Variants in FXR1 observed in about 807,000 individuals in gnomAD.
The protein encoded by FXR1 is FMR1 autosomal homolog 1, also known as RNA-binding protein FXR1.
FXR1 carries 15 observed loss-of-function variants against 84.0 expected under a neutral mutation model. The ratio of observed to expected loss-of-function variants is 0.18; its 90% confidence interval spans 0.12 to 0.27. FXR1 has a LOEUF of 0.27. Ranked by LOEUF, FXR1 falls within the 10% of genes least tolerant of loss-of-function variation. FXR1 has a pLI of 1.00. For missense variants in FXR1, 480 were observed against 774.4 expected, an observed-to-expected ratio of 0.62 and a Z score of 4.51; for synonymous variants, 245 against 250.7, an observed-to-expected ratio of 0.98 and a Z score of 0.21.
At chr3:180,918,072 A>G (rs1718123328) in intron 1 of FXR1, among the ~76,000 whole-genome samples, 2 of 152,014 alleles carry the variant, frequency 1.3e-5, no homozygotes, top group African/African-American at 2.4e-5. Context: ...CATCTTACCT[A>G]TCTAGAGAGA....
rs528063049 is a variant in FXR1, at chr3:180,933,410, G to A, written c.104+24G>A. On this transcript the variant is annotated intron_variant, in intron 2 of 16. Coordinates refer to ENST00000357559, the MANE Select transcript of FXR1 (RefSeq NM_005087.4). ...AAGTAAGTTATTTTTGTTGACAAAGGCCTTAATTTTAGAGATGGCAGTGCC... is the reference window on the plus strand; with the variant it reads ...AAGTAAGTTATTTTTGTTGACAAAGACCTTAATTTTAGAGATGGCAGTGCC... 19 of 1,423,340 alleles carry A rather than the reference G, an allele frequency of 1.3e-5. No individual in the cohort carries two copies. The South Asian group carries it at 2.0e-4, about 15-fold the overall frequency. 88.2% of individuals were successfully genotyped at this position (1,423,340 alleles called of 1,614,324 possible).
intron 3 of FXR1, among the ~76,000 whole-genome samples, chr3:180,943,267 T>C (rs1721330880): frequency 5.1e-5 from 1 of 19,440 alleles, no homozygotes; most frequent in Admixed American, 6.7e-4. Flanking sequence ...GTGCCCGGCT[T>C]TTTTTTTTTT....
chr3:180,951,168 A>G (rs1277031335), intron 7 of FXR1, 130 bp from the exon 8 acceptor site: 1 of 596,064 alleles, frequency 1.7e-6, no homozygotes, highest in Non-Finnish European at 3.0e-6. Context: ...GTTGGCAGTG[A>G]GCCATGATCA....
At chr3:180,927,549 G>A (rs1479252382) in intron 1 of FXR1, 1 of 560,674 alleles carries the variant, frequency 1.8e-6, no homozygotes, top group African/African-American at 2.0e-5. Flanking sequence ...AACGGCTCCT[G>A]TCAAGTTGAG....
At position 180,963,082 on chromosome 3, in the gene FXR1, C is replaced by T. The variant is rs771488478; in HGVS notation, c.1190C>T (p.Ser397Phe). The T allele has an allele frequency of 1.3e-6, 2 of 1,486,612 alleles. No individual in the cohort carries two copies. Among genetic ancestry groups the T allele is most frequent in the East Asian group, 4.5e-5 (2 of 44,086 alleles). 92.1% of individuals were successfully genotyped at this position (1,486,612 alleles called of 1,614,324 possible). The change falls in exon 13 of 17, where the codon TCC (serine) becomes TTC (phenylalanine). Residue 397 changes from serine to phenylalanine, a missense_variant. This residue lies in a region of FXR1 where 157 missense variants were observed against 227.8 expected (regional missense o/e 0.69). Transcript: ENST00000357559. ...GGTCGTCGGGGACCTAATTACACCT[C>T]CGGTTATGGTAAAAAAAAATTTTTT... ...GRGRRGPNYT[S>F]GYGTNSELSN... is the part of the protein sequence containing the mutation.
chr3:180,919,271 AT>A (rs1418179424), intron 1 of FXR1, among the ~76,000 whole-genome samples: 169 of 139,040 alleles, frequency 1.2e-3, no homozygotes, highest in South Asian at 1.6e-3. Context: ...CCTAAATTTT[AT>A]TTTTTTTTTA....
At position 180,970,164 on chromosome 3, in the gene FXR1, A is replaced by G. The variant is rs138120810; in HGVS notation, c.1409A>G (p.Lys470Arg). ...GCCTCTGACATGAATATAGTGCTCA[A>G]AGATCCAGACAGCAATCCATACAGC... ...GGKSSISSVLKDPDSNPYSLL... is the reference protein window; with the variant it reads ...GGKSSISSVLRDPDSNPYSLL... The change falls in exon 15 of 17, where the codon AAA becomes AGA. Residue 470 changes from lysine to arginine, a missense_variant. Physicochemically the swap from Lys to Arg is conservative, Grantham distance 26 (BLOSUM62 2). Coordinates refer to ENST00000357559, the MANE Select transcript of FXR1 (RefSeq NM_005087.4). The G allele has an allele frequency of 2.0e-5, 31 of 1,583,918 alleles. No individual in the cohort carries two copies. Among genetic ancestry groups the G allele is most frequent in the African/African-American group, 1.6e-4 (12 of 74,232 alleles).
rs1015259900 is a variant in FXR1 at position 180,981,631 on chromosome 3, A to G, written c.*5339A>G. ...TGAAGGCTATAGATAGGAATTCCCC[A>G]CAAACTTCTAATGAGGACTAATATG... On this transcript the variant is annotated 3_prime_UTR_variant, in exon 17 of 17. Transcript: ENST00000357559. 1 of 151,914 alleles carries G rather than the reference A, an allele frequency of 6.6e-6. No homozygotes were observed. The highest frequency in any genetic ancestry group is 1.5e-5 in the Non-Finnish European group (1 of 67,950). 9.4% of individuals were successfully genotyped at this position (151,914 alleles called of 1,614,324 possible).
intron 1 of FXR1, among the ~76,000 whole-genome samples, chr3:180,932,442 G>A (rs1321875441): frequency 1.3e-5 from 2 of 152,156 alleles, no homozygotes; most frequent in Non-Finnish European, 2.9e-5. Flanking sequence ...AAGTGCCAAG[G>A]ACTGCTTGCC....
rs113605293 is a variant in FXR1 at position 180,925,923 on chromosome 3, G to C, written c.52-7411G>C. Among the ~76,000 whole-genome samples, 935 of 152,236 alleles carry C rather than the reference G, an allele frequency of 6.1e-3. 6 individuals are homozygous for C. The highest frequency in any genetic ancestry group is 0.011 in the Non-Finnish European group (743 of 68,012). On this transcript the variant is annotated intron_variant, in intron 1 of 16. Transcript: ENST00000357559. ...TTATCCACATCAGTAATATTTAACT[G>C]ATGTAGTTGGGGTAAATGGAGAGTT...
At chr3:180,926,529 G>A (rs1378465918) in intron 1 of FXR1, among the ~76,000 whole-genome samples, 5 of 118,576 alleles carry the variant, frequency 4.2e-5, no homozygotes, top group South Asian at 2.5e-4. Context: ...GCCTTTTGTT[G>A]GCATTAAAAA....
At position 180,957,949 on chromosome 3, in the gene FXR1, C is replaced by T. The variant is rs761312916; in HGVS notation, c.990+21C>T. 3.6e-6 allele frequency: 4 copies of T among 1,102,326 alleles called. No individual in the cohort carries two copies. In the African/African-American group the frequency reaches 6.3e-5, roughly 17 times the overall value. The allele number at this position is 1,102,326 out of a possible 1,614,324, so 68.3% of individuals were successfully genotyped here. ...AAGACGTAAGTATTTAAAATGTAATCTGCCTCTTTAAAATGTCCTTTTTTT... is the reference window on the plus strand; with the variant it reads ...AAGACGTAAGTATTTAAAATGTAATTTGCCTCTTTAAAATGTCCTTTTTTT... On this transcript the variant is annotated intron_variant, in intron 10 of 16. Transcript: ENST00000357559.
rs2108500992 is a variant in FXR1, at chr3:180,977,174, TTC to T, written c.*884_*885del. The T allele has an allele frequency of 6.6e-6, 1 of 152,598 alleles. No homozygotes were observed. Among genetic ancestry groups the T allele is most frequent in the African/African-American group, 2.4e-5 (1 of 41,556 alleles). 9.5% of individuals were successfully genotyped at this position (152,598 alleles called of 1,614,324 possible). A position where few individuals can be genotyped will look rare whatever the true frequency, so the allele number is the denominator to read the frequency against. On this transcript the variant is annotated 3_prime_UTR_variant, in exon 17 of 17. Transcript: ENST00000357559. ...TTCCATTTGCTGAATTTTTTTAACT[TTC>T]TACTTTTTACACCAATTGTTGCAAA...
Position 180,963,084 on chromosome 3 carries a change from G to C in FXR1, c.1192G>C (p.Gly398Arg), listed in dbSNP as rs372792772. ...RGRRGPNYTS[G>R]YGTNSELSNP... ...TCGTCGGGGACCTAATTACACCTCCGGTTATGGTAAAAAAAAATTTTTTTT... is the reference window on the plus strand; with the variant it reads ...TCGTCGGGGACCTAATTACACCTCCCGTTATGGTAAAAAAAAATTTTTTTT... The change falls in exon 13 of 17, where the codon GGT becomes CGT. Residue 398 changes from glycine (G) to arginine (R), a missense_variant. This residue lies in a region of FXR1 where 157 missense variants were observed against 227.8 expected (regional missense o/e 0.69). Coordinates refer to ENST00000357559, the MANE Select transcript of FXR1 (RefSeq NM_005087.4). The C allele has an allele frequency of 1.4e-6, 2 of 1,476,820 alleles. No individual in the cohort carries two copies. The highest frequency in any genetic ancestry group is 1.8e-6 in the Non-Finnish European group (2 of 1,081,644). The allele number at this position is 1,476,820 out of a possible 1,614,324, so 91.5% of individuals were successfully genotyped here.
At chr3:180,916,329 A>G (rs764344462) in intron 1 of FXR1, among the ~76,000 whole-genome samples, 5 of 152,238 alleles carry the variant, frequency 3.3e-5, no homozygotes, top group Admixed American at 1.3e-4. Flanking sequence ...TAACTGATGT[A>G]TAAATATATA....
intron 11 of FXR1, 114 bp from the exon 12 acceptor site, chr3:180,962,769 C>T: frequency 1.4e-6 from 1 of 692,808 alleles, no homozygotes. Context: ...ATGCTCTTTA[C>T]CATCTAATTG....
intron 2 of FXR1, 40 bp downstream of exon 2, chr3:180,933,426 T>A (rs1419753382): frequency 2.6e-6 from 3 of 1,154,122 alleles, no homozygotes; most frequent in Non-Finnish European, 3.9e-6. Context: ...ATTTTAGAGA[T>A]GGCAGTGCCA....
intron 3 of FXR1, among the ~76,000 whole-genome samples, chr3:180,935,799 C>T (rs942815237): frequency 2.0e-5 from 3 of 152,180 alleles, no homozygotes; most frequent in African/African-American, 7.2e-5. Flanking sequence ...TTGTTCATGT[C>T]GTGCATGTTC....
rs774625004 is a variant in FXR1, at chr3:180,949,235, T to C, written c.522T>C (p.Ser174=). ...AGCTTGTTTGTTTATAGTCTGCCAG[T>C]GAAGCAACTGTGAAGAGAGTAAACA... ...ETTQLMILSA[S]EATVKRVNIL... The change falls in exon 7 of 17, where the codon AGT becomes AGC. Residue 174 remains serine (S), a synonymous_variant. Transcript: ENST00000357559. 6 of 1,554,958 alleles carry C rather than the reference T, an allele frequency of 3.9e-6. No individual in the cohort carries two copies. The highest frequency in any genetic ancestry group is 2.2e-5 in the South Asian group (2 of 89,890).
Sources: allele counts gnomAD v4.1 joint callset (sites outside exome capture counted in the v4.1 genomes callset), GRCh38; gene constraint gnomAD v4.1.1; regional missense constraint gnomAD v4.1.1; transcripts MANE v1.5; gene names NCBI Gene and HGNC (gene_info 2026-07-23, HGNC 2026-07-21).